Variants in ACER3 observed in about 807,000 individuals in gnomAD.
ACER3 encodes alkCDase 3.
In ACER3, 16 loss-of-function variants were observed where a neutral mutation model predicts 48.9. The ratio of observed to expected loss-of-function variants is 0.33; its 90% CI spans 0.22 to 0.50. The LOEUF is 0.50. Ranked by LOEUF, ACER3 falls within the 20% of genes least tolerant of loss-of-function variation. The pLI, the probability that ACER3 is intolerant of heterozygous loss-of-function variation, is 0.98. For synonymous variants in ACER3, 109 were observed against 107.8 expected (o/e 1.01, Z -0.07); for missense variants, 227 against 326.0 (o/e 0.70, Z 2.34).
At chr11:76,998,890 T>C (rs150401678) in intron 7 of ACER3, 69 bp downstream of exon 7, 34 of 1,228,042 alleles carry the variant, frequency 2.8e-5, no homozygotes, top group Middle Eastern at 2.6e-4. Context: ...ATCTATAGCC[T>C]AAATCAAAAT....
intron 1 of ACER3, among the ~76,000 whole-genome samples, chr11:76,914,463 A>T (rs1946469697): frequency 6.6e-6 from 1 of 152,240 alleles, no homozygotes; most frequent in South Asian, 2.1e-4. Flanking sequence ...ATCACTGGCC[A>T]TCAGAGAAAT....
chr11:76,942,870 T>A (rs1947372991), intron 2 of ACER3, among the ~76,000 whole-genome samples: 1 of 152,038 alleles, frequency 6.6e-6, no homozygotes, highest in African/African-American at 2.4e-5. Context: ...CACTAGTAAT[T>A]ATTGATCTAT....
intron 1 of ACER3, among the ~76,000 whole-genome samples, chr11:76,871,908 G>C (rs912153126): frequency 6.6e-6 from 1 of 152,094 alleles, no homozygotes; most frequent in Non-Finnish European, 1.5e-5. Flanking sequence ...TTGGAATTTG[G>C]TATCTTGTTG....
At chr11:76,943,828 C>T (rs1319698144) in intron 2 of ACER3, among the ~76,000 whole-genome samples, 1 of 149,360 alleles carries the variant, frequency 6.7e-6, no homozygotes, top group Non-Finnish European at 1.5e-5. Context: ...AATTTGGGTG[C>T]TCTGATGTTG....
At chr11:76,902,755 G>T (rs1946113834) in intron 1 of ACER3, among the ~76,000 whole-genome samples, 1 of 152,182 alleles carries the variant, frequency 6.6e-6, no homozygotes, top group Admixed American at 6.5e-5. Flanking sequence ...TTACTGGAGA[G>T]ATGAACTGCT....
intron 2 of ACER3, among the ~76,000 whole-genome samples, chr11:76,949,681 T>A (rs906896652): frequency 2.6e-5 from 4 of 152,218 alleles, no homozygotes; most frequent in African/African-American, 9.6e-5. Context: ...CTATTTGTGG[T>A]GATTTGAATA....
At chr11:76,935,379 T>C (rs557838464) in intron 2 of ACER3, among the ~76,000 whole-genome samples, 100 of 152,280 alleles carry the variant, frequency 6.6e-4, no homozygotes, top group African/African-American at 2.4e-3. Flanking sequence ...TTAATATGTA[T>C]ATTGAAAGGT....
At chr11:76,869,039 A>C (rs553413940) in intron 1 of ACER3, among the ~76,000 whole-genome samples, 90 of 152,152 alleles carry the variant, frequency 5.9e-4, no homozygotes, top group Middle Eastern at 3.4e-3. Flanking sequence ...AAACTAATAA[A>C]CCTGTTTACC....
At chr11:76,982,834 T>C (rs1488216015) in intron 4 of ACER3, among the ~76,000 whole-genome samples, 1 of 152,244 alleles carries the variant, frequency 6.6e-6, no homozygotes, top group Non-Finnish European at 1.5e-5. Context: ...TGAGTTAGTT[T>C]TGTCAAAGAT....
intron 2 of ACER3, among the ~76,000 whole-genome samples, chr11:76,958,141 G>C (rs1421788001): frequency 1.3e-5 from 2 of 148,226 alleles, no homozygotes; most frequent in East Asian, 2.0e-4. Flanking sequence ...GTCTGTAACA[G>C]ATATCCAACC....
At chr11:77,010,431 CAAA>C (rs34446950) in intron 7 of ACER3, among the ~76,000 whole-genome samples, 2 of 98,990 alleles carry the variant, frequency 2.0e-5, no homozygotes, top group Admixed American at 1.1e-4. Context: ...GAGTATAGGA[CAAA>C]AAAAAAAAAA....
intron 5 of ACER3, among the ~76,000 whole-genome samples, chr11:76,987,195 G>A (rs1948703459): frequency 6.6e-6 from 1 of 152,222 alleles, no homozygotes; most frequent in Non-Finnish European, 1.5e-5. Flanking sequence ...TATGAGACTA[G>A]ACCCAGGGAC....
chr11:76,954,706 T>G (rs995503250), intron 2 of ACER3, among the ~76,000 whole-genome samples: 3 of 151,840 alleles, frequency 2.0e-5, no homozygotes. Flanking sequence ...GCTCAAGTGA[T>G]CCTCCCACCT....
chr11:76,940,611 G>A (rs1027424734), intron 2 of ACER3, among the ~76,000 whole-genome samples: 3 of 152,116 alleles, frequency 2.0e-5, no homozygotes. Context: ...GCGATTATAG[G>A]AGTATTTTTC....
intron 3 of ACER3, among the ~76,000 whole-genome samples, chr11:76,963,988 A>G (rs1948068946): frequency 1.3e-5 from 2 of 151,394 alleles, no homozygotes; most frequent in Non-Finnish European, 2.9e-5. Flanking sequence ...GGTGCAGTGC[A>G]TGTGCGTGAG....
intron 2 of ACER3, among the ~76,000 whole-genome samples, chr11:76,947,290 G>C (rs1947503481): frequency 6.6e-6 from 1 of 152,078 alleles, no homozygotes. Flanking sequence ...AAGAGGAGAG[G>C]GTACACTGCA....
At chr11:76,933,455 G>A (rs1202803995) in intron 2 of ACER3, among the ~76,000 whole-genome samples, 2 of 149,070 alleles carry the variant, frequency 1.3e-5, no homozygotes, top group Admixed American at 1.3e-4. Flanking sequence ...GTGTCCCTGG[G>A]TACTTGAGAT....
intron 1 of ACER3, among the ~76,000 whole-genome samples, chr11:76,896,030 CAACT>C (rs1945919843): frequency 6.6e-6 from 1 of 152,150 alleles, no homozygotes; most frequent in South Asian, 2.1e-4. Flanking sequence ...CCATAATCAC[CAACT>C]AAGACCTGGG....
chr11:77,014,470 C>A (rs1177930837), intron 7 of ACER3, among the ~76,000 whole-genome samples: 1 of 152,140 alleles, frequency 6.6e-6, no homozygotes, highest in African/African-American at 2.4e-5. Context: ...AGTAAGTACT[C>A]CATATGTATT....
Sources: allele counts gnomAD v4.1 joint callset (sites outside exome capture counted in the v4.1 genomes callset), GRCh38; gene constraint gnomAD v4.1.1; transcripts MANE v1.5; gene names NCBI Gene and HGNC (gene_info 2026-07-23, HGNC 2026-07-21).